The following DPP6 variants were observed in gnomAD, a reference collection of about 807,000 sequenced individuals.
DPP6 encodes dipeptidyl peptidase like 6, also known as A-type potassium channel modulatory protein DPP6.
Under a neutral mutation model 122.6 loss-of-function variants are expected in DPP6, and 69 were observed. The observed-to-expected ratio is 0.56, with a 90% CI of 0.46 to 0.69. The LOEUF (loss-of-function observed/expected upper bound fraction) is 0.69, where lower values mean the gene tolerates loss of function less well. Among genes scored for constraint, DPP6 ranks in the 30% least tolerant of loss-of-function variants. The probability of loss-of-function intolerance (pLI) is 0.00; values close to 1 mark genes in which losing one functional copy is unlikely to be tolerated. For missense variants in DPP6, 928 were observed against 1,116.9 expected, an observed-to-expected ratio of 0.83 and a Z score of 2.41; for synonymous variants, 418 against 433.1, an observed-to-expected ratio of 0.97 and a Z score of 0.43.
intron 1 of DPP6, among the ~76,000 whole-genome samples, chr7:154,041,416 G>A (rs1042314129): frequency 6.6e-5 from 10 of 152,198 alleles, no homozygotes; most frequent in African/African-American, 9.7e-5. Context: ...AAGTTTTGAG[G>A]TTTCCCCTCT....
At chr7:154,494,261 C>A in intron 3 of DPP6, among the ~76,000 whole-genome samples, 1 of 151,874 alleles carries the variant, frequency 6.6e-6, no homozygotes, top group East Asian at 1.9e-4. Flanking sequence ...GAGGCTGAGG[C>A]AGGAGGATCA....
intron 5 of DPP6, among the ~76,000 whole-genome samples, chr7:154,620,574 T>G (rs549134382): frequency 3.8e-4 from 58 of 152,280 alleles, no homozygotes; most frequent in African/African-American, 1.3e-3. Flanking sequence ...GTGTGCAGTG[T>G]TTTTTTCCTT....
At position 154,200,074 on chromosome 7, in the gene DPP6, A is replaced by G. The variant is rs558329170; in HGVS notation, c.243+147011A>G. ...TTTTAAGAAAGAAAGAAATAATAATACCAATTCAAAATCAAACACGGAACA... is the reference window on the plus strand; with the variant it reads ...TTTTAAGAAAGAAAGAAATAATAATGCCAATTCAAAATCAAACACGGAACA... On this transcript the variant is annotated intron_variant, in intron 1 of 25. Transcript: ENST00000377770. Among the ~76,000 whole-genome samples the G allele has an allele frequency of 1.4e-4, 21 of 152,274 alleles. No homozygotes were observed. The East Asian group carries it at 2.3e-3, about 17-fold the overall frequency.
At chr7:154,117,595 G>A (rs1691946213) in intron 1 of DPP6, among the ~76,000 whole-genome samples, 1 of 152,160 alleles carries the variant, frequency 6.6e-6, no homozygotes, top group Admixed American at 6.5e-5. Context: ...TCATTGTTCA[G>A]CATGACTGGG....
rs571278458 is a variant in DPP6, at chr7:154,670,479, G to A, written c.762+1038G>A. Among the ~76,000 whole-genome samples the A allele has an allele frequency of 6.6e-5, 10 of 152,302 alleles. No homozygotes were observed. The East Asian group carries it at 7.7e-4, about 12-fold the overall frequency. On this transcript the variant is annotated intron_variant, in intron 7 of 25. Coordinates refer to ENST00000377770, the MANE Select transcript of DPP6 (RefSeq NM_130797.4). ...ATGTAGTGAAGAATTTGGATAATAC[G>A]GTCCTTCAGGTTTGTTCCAACTCTA...
chr7:153,836,358 G>A, the DPP6 span, among the ~76,000 whole-genome samples: 2 of 152,052 alleles, frequency 1.3e-5, no homozygotes, highest in African/African-American at 4.8e-5. Flanking sequence ...GGGGGTACAG[G>A]GGGAAGAAGA....
chr7:153,774,564 T>A, the DPP6 span, among the ~76,000 whole-genome samples: 313 of 152,324 alleles, frequency 2.1e-3, no homozygotes, highest in African/African-American at 7.4e-3. Context: ...GCTTGCCAAA[T>A]GTGACCTAAG....
intron 1 of DPP6, among the ~76,000 whole-genome samples, chr7:154,160,835 TAC>T (rs1346864954): frequency 6.6e-6 from 1 of 152,116 alleles, no homozygotes; most frequent in Non-Finnish European, 1.5e-5. Flanking sequence ...ACTATCCTAA[TAC>T]AGTCAGAAGA....
chr7:154,081,650 A>G (rs979599754), intron 1 of DPP6, among the ~76,000 whole-genome samples: 1 of 148,796 alleles, frequency 6.7e-6, no homozygotes, highest in Non-Finnish European at 1.5e-5. Context: ...AGGAGAGAAA[A>G]TCAAGGGACG....
intron 8 of DPP6, among the ~76,000 whole-genome samples, chr7:154,747,376 TG>T (rs1223628495): frequency 6.6e-6 from 1 of 152,170 alleles, no homozygotes. Context: ...CCCAGTGAAA[TG>T]GGGTAGTGTG....
chr7:154,042,707 C>A (rs540539820), intron 1 of DPP6, among the ~76,000 whole-genome samples: 200 of 152,294 alleles, frequency 1.3e-3, no homozygotes, highest in Middle Eastern at 6.8e-3. Flanking sequence ...CAGCCCCCTT[C>A]TCAATGAAGA....
chr7:153,795,135 T>A, the DPP6 span, among the ~76,000 whole-genome samples: 1 of 152,236 alleles, frequency 6.6e-6, no homozygotes, highest in African/African-American at 2.4e-5. Flanking sequence ...TTATAGAATC[T>A]GGCCGGTGCA....
chr7:154,117,873 A>G (rs1326029383), intron 1 of DPP6, among the ~76,000 whole-genome samples: 1 of 152,008 alleles, frequency 6.6e-6, no homozygotes, highest in East Asian at 1.9e-4. Context: ...TGATGTAGAG[A>G]GGGATTTTCC....
At chr7:154,831,131 G>A (rs1212235606) in intron 16 of DPP6, among the ~76,000 whole-genome samples, 1 of 152,152 alleles carries the variant, frequency 6.6e-6, no homozygotes, top group Non-Finnish European at 1.5e-5. Context: ...AAGGACCACA[G>A]ACCTCTCCAT....
At chr7:154,115,229 C>T (rs1806895636) in intron 1 of DPP6, among the ~76,000 whole-genome samples, 1 of 152,152 alleles carries the variant, frequency 6.6e-6, no homozygotes, top group South Asian at 2.1e-4. Context: ...AGGTGCTGTC[C>T]CCCCTTCTGC....
At chr7:154,610,528 C>G (rs150543407) in intron 5 of DPP6, among the ~76,000 whole-genome samples, 2 of 152,186 alleles carry the variant, frequency 1.3e-5, no homozygotes, top group Admixed American at 1.3e-4. Context: ...CTTGCAGCAC[C>G]TGTCTTATGT....
At chr7:153,776,085 G>A in the DPP6 span, among the ~76,000 whole-genome samples, 1 of 151,990 alleles carries the variant, frequency 6.6e-6, no homozygotes, top group East Asian at 1.9e-4. Flanking sequence ...AAATGTGCAA[G>A]GCCAAGGAAC....
At position 154,570,521 on chromosome 7, in the gene DPP6, G is replaced by A. The variant is rs191687245; in HGVS notation, c.627+3605G>A. 2.6e-5 allele frequency among the ~76,000 whole-genome samples: 4 copies of A among 151,904 alleles called. No individual in the cohort carries two copies. The South Asian group carries it at 6.2e-4, about 24-fold the overall frequency. ...TTTGTGGTGTGTGTATATTCTCTCC[G>A]AACCCCTTAGCGCTATACCAAGATA... On this transcript the variant is annotated intron_variant, in intron 5 of 25. Transcript: ENST00000377770.
At chr7:154,071,903 T>C (rs1273233301) in intron 1 of DPP6, among the ~76,000 whole-genome samples, 2 of 152,150 alleles carry the variant, frequency 1.3e-5, no homozygotes, top group Non-Finnish European at 2.9e-5. Flanking sequence ...GTCTAAAATC[T>C]CGATCCCTTG....
Sources: gnomAD v4.1 joint callset for allele counts (sites outside exome capture counted in the v4.1 genomes callset) on GRCh38, gnomAD v4.1.1 for gene constraint, MANE v1.5 for transcripts, NCBI Gene and HGNC (gene_info 2026-07-23, HGNC 2026-07-21) for gene names.